LRP8: variants seen among roughly 807,000 people sequenced by gnomAD.
The protein encoded by LRP8 is low-density lipoprotein receptor-related protein 8.
A neutral mutation model predicts 111.6 loss-of-function variants in LRP8; 46 were observed. The observed-to-expected ratio is 0.41, with a 90% CI of 0.33 to 0.53. LRP8 has a LOEUF of 0.53. Ranked by LOEUF, LRP8 falls within the 20% of genes least tolerant of loss-of-function variation. The probability of loss-of-function intolerance (pLI) is 0.20; values close to 1 mark genes in which losing one functional copy is unlikely to be tolerated. For synonymous variants in LRP8, 464 were observed against 511.2 expected (o/e 0.91, Z 1.24); for missense variants, 959 against 1,297.4 (o/e 0.74, Z 4.01).
chr1:53,259,602 G>A (rs192628376), intron 13 of LRP8, among the ~76,000 whole-genome samples: 233 of 151,232 alleles, frequency 1.5e-3, no homozygotes, highest in Middle Eastern at 3.4e-3. Context: ...TTTTTAAGAG[G>A]TAGGGGTCTT....
intron 16 of LRP8, among the ~76,000 whole-genome samples, chr1:53,254,713 CCTA>C (rs1646016480): frequency 6.6e-6 from 1 of 152,104 alleles, no homozygotes; most frequent in South Asian, 2.1e-4. Flanking sequence ...GACAGTATGA[CCTA>C]TTAAAGGAAT....
chr1:53,307,044 T>C (rs1348338199), intron 2 of LRP8, among the ~76,000 whole-genome samples: 2 of 152,276 alleles, frequency 1.3e-5, no homozygotes, highest in South Asian at 2.1e-4. Context: ...ACACAGGATG[T>C]GCAGTGGGAA....
At chr1:53,309,002 C>T (rs1344667450) in intron 2 of LRP8, among the ~76,000 whole-genome samples, 1 of 152,182 alleles carries the variant, frequency 6.6e-6, no homozygotes, top group Non-Finnish European at 1.5e-5. Context: ...GGGCCGGGCA[C>T]GGTGGCTCAC....
chr1:53,274,871 AAG>A, intron 6 of LRP8: 1 of 455,806 alleles, frequency 2.2e-6, no homozygotes, highest in Non-Finnish European at 4.4e-6. Flanking sequence ...CTTGGACAAG[AAG>A]GGCTGGGCTG....
At chr1:53,315,966 G>C (rs894555528) in intron 2 of LRP8, among the ~76,000 whole-genome samples, 4 of 152,086 alleles carry the variant, frequency 2.6e-5, no homozygotes, top group Non-Finnish European at 4.4e-5. Context: ...AAGGCATGGT[G>C]GGGGAGGTGG....
chr1:53,283,456 CTA>C (rs1258277260), intron 3 of LRP8, among the ~76,000 whole-genome samples: 4 of 149,830 alleles, frequency 2.7e-5, no homozygotes, highest in Non-Finnish European at 5.9e-5. Flanking sequence ...CACTTACTTA[CTA>C]CATACCCGGG....
intron 8 of LRP8, among the ~76,000 whole-genome samples, chr1:53,270,656 T>C (rs989477267): frequency 3.9e-5 from 6 of 152,164 alleles, no homozygotes; most frequent in African/African-American, 1.4e-4. Flanking sequence ...AAAAACCCAA[T>C]GCAGAACTCT....
chr1:53,302,624 G>A lies in LRP8; in HGVS notation c.245-12935C>T, dbSNP rs78650677. Among the ~76,000 whole-genome samples, 1,635 of 151,664 alleles carry A rather than the reference G, an allele frequency of 0.011. 91 individuals carry two copies. The East Asian group carries it at 0.17, about 16-fold the overall frequency. The stretch of plus-strand genomic sequence containing the variant: ...CCACCTCTCGCTTTTTCCTTTGCTT[G>A]CACTGCATTAGGAATGAGATGACCT... On this transcript the variant is annotated intron_variant, in intron 2 of 18. Transcript: ENST00000306052.
intron 9 of LRP8, among the ~76,000 whole-genome samples, chr1:53,264,738 G>T (rs914444362): frequency 1.3e-5 from 2 of 152,190 alleles, no homozygotes; most frequent in Non-Finnish European, 2.9e-5. Context: ...CTTTATAGTT[G>T]AGTCCTGAAG....
chr1:53,299,424 C>T (rs926788963), intron 2 of LRP8, among the ~76,000 whole-genome samples: 7 of 152,236 alleles, frequency 4.6e-5, no homozygotes, highest in Non-Finnish European at 8.8e-5. Flanking sequence ...TGGCCCATCC[C>T]GGTGATAAAT....
chr1:53,249,452 C>A lies in LRP8; in HGVS notation c.2781G>T (p.Pro927=), dbSNP rs553446297. The change falls in exon 18 of 19, where the codon CCG becomes CCT. Residue 927 remains proline (P), a synonymous_variant. Coordinates refer to ENST00000306052, the MANE Select transcript of LRP8 (RefSeq NM_004631.5). This position sits in a 1 kb window ranked among gnomAD's most constrained non-coding sequence, Gnocchi z 4.1. ...APALKELFVL[P]GEPRSQLHQL... ...GGTGCAGCTGTGACCTTGGTTCCCCCGGCAAGACAAAAAGCTCCTTGAGGG... is the reference window on the plus strand; with the variant it reads ...GGTGCAGCTGTGACCTTGGTTCCCCAGGCAAGACAAAAAGCTCCTTGAGGG... The A allele has an allele frequency of 3.6e-5, 58 of 1,614,202 alleles. 1 individual carries two copies. The East Asian group carries it at 1.3e-3, about 36-fold the overall frequency.
rs1645660235 is a variant in LRP8, at chr1:53,242,493, C to T, written c.*4525G>A. On this transcript the variant is annotated 3_prime_UTR_variant, in exon 19 of 19. Coordinates refer to ENST00000306052, the MANE Select transcript of LRP8 (RefSeq NM_004631.5). ...AGATGCAGCACCCCATCCTCAGCCC[C>T]CTCGCCTCTGGAAGAGACACCAGAC... 6.6e-6 allele frequency: 1 copy of T among 152,156 alleles called. No individual in the cohort carries two copies. The highest frequency in any genetic ancestry group is 1.5e-5 in the Non-Finnish European group (1 of 68,042). The allele number at this position is 152,156 out of a possible 1,614,324, so 9.4% of individuals were successfully genotyped here.
At position 53,244,057 on chromosome 1, in the gene LRP8, G is replaced by A. The variant is rs1476885918; in HGVS notation, c.*2961C>T. On this transcript the variant is annotated 3_prime_UTR_variant, in exon 19 of 19. Transcript: ENST00000306052. ...GACTTACTGCCATACATTTAAATCC[G>A]ATCTCATTCTCTTTTTGCCAGTTAA... 6.6e-6 allele frequency: 1 copy of A among 152,148 alleles called. No individual in the cohort carries two copies. The highest frequency in any genetic ancestry group is 1.5e-5 in the Non-Finnish European group (1 of 68,030). 9.4% of individuals were successfully genotyped at this position (152,148 alleles called of 1,614,324 possible). A position where few individuals can be genotyped will look rare whatever the true frequency, so the allele number is the denominator to read the frequency against.
At chr1:53,309,490 A>T (rs921005824) in intron 2 of LRP8, among the ~76,000 whole-genome samples, 1 of 152,154 alleles carries the variant, frequency 6.6e-6, no homozygotes, top group South Asian at 2.1e-4. Context: ...TCCAGCCCAC[A>T]TGCTGTGTGA....
In LRP8 at chr1:53,312,443, C is replaced by T. The variant is rs116668399; in HGVS notation, c.244+14430G>A. ...GCAGCGGCATGACTATAGCCCACTG[C>T]AACCTCAAACTCCTGGGCTCAAGCA... On this transcript the variant is annotated intron_variant, in intron 2 of 18. Coordinates refer to ENST00000306052, the MANE Select transcript of LRP8 (RefSeq NM_004631.5). 4.2e-3 allele frequency among the ~76,000 whole-genome samples: 645 copies of T among 152,278 alleles called. 8 individuals carry two copies. Among genetic ancestry groups the T allele is most frequent in the African/African-American group, 0.015 (624 of 41,556 alleles).
chr1:53,271,634 G>A (rs932357477), intron 6 of LRP8, among the ~76,000 whole-genome samples: 1 of 152,124 alleles, frequency 6.6e-6, no homozygotes, highest in Admixed American at 6.5e-5. Context: ...CCACCAAGCT[G>A]GAGGCAGCTA....
chr1:53,271,401 G>A, intron 6 of LRP8, 55 bp from the exon 7 acceptor site: 1 of 1,609,672 alleles, frequency 6.2e-7, no homozygotes, highest in Admixed American at 1.7e-5. Flanking sequence ...AGTGGGGGCA[G>A]GGCAGGGGTA....
chr1:53,300,699 G>T (rs1341205588), intron 2 of LRP8, among the ~76,000 whole-genome samples: 1 of 152,230 alleles, frequency 6.6e-6, no homozygotes, highest in East Asian at 1.9e-4. Context: ...CAGGGCTCAG[G>T]GAGATGCAAA....
At chr1:53,254,046 G>A (rs567493982) in intron 16 of LRP8, among the ~76,000 whole-genome samples, 140 of 151,950 alleles carry the variant, frequency 9.2e-4, no homozygotes, top group African/African-American at 3.1e-3. Flanking sequence ...TGACTAACTC[G>A]GCATACTGAA....
Sources: allele counts gnomAD v4.1 joint callset (sites outside exome capture counted in the v4.1 genomes callset), GRCh38; gene constraint gnomAD v4.1.1; non-coding constraint Gnocchi (gnomAD v3.1); transcripts MANE v1.5; gene names NCBI Gene and HGNC (gene_info 2026-07-23, HGNC 2026-07-21).